The following SGMS1 variants were observed in gnomAD, a reference collection of about 807,000 sequenced individuals.
SGMS1 encodes the protein sphingomyelin synthase 1.
In SGMS1, 13 loss-of-function variants were observed where a neutral mutation model predicts 46.2. That is an observed-to-expected ratio of 0.28 (90% confidence interval 0.18 to 0.45). The LOEUF (loss-of-function observed/expected upper bound fraction) is 0.45, where lower values mean the gene tolerates loss of function less well. Ranked by LOEUF, SGMS1 falls within the 20% of genes least tolerant of loss-of-function variation. SGMS1 has a pLI of 1.00. For missense variants in SGMS1, 324 were observed against 519.9 expected, an observed-to-expected ratio of 0.62 and a Z score of 3.66; for synonymous variants, 203 against 187.8, an observed-to-expected ratio of 1.08 and a Z score of -0.66.
chr10:50,561,365 C>G (rs1838234891), intron 2 of SGMS1, among the ~76,000 whole-genome samples: 1 of 152,182 alleles, frequency 6.6e-6, no homozygotes, highest in Non-Finnish European at 1.5e-5. Flanking sequence ...TATCAACTGG[C>G]AGAGCATGAA....
At chr10:50,413,169 T>G (rs535411966) in intron 6 of SGMS1, among the ~76,000 whole-genome samples, 3 of 152,328 alleles carry the variant, frequency 2.0e-5, no homozygotes, top group African/African-American at 7.2e-5. Flanking sequence ...GTATATCTTG[T>G]TTATTCCTCT....
intron 1 of SGMS1, among the ~76,000 whole-genome samples, chr10:50,604,592 T>G (rs1444819497): frequency 8.5e-5 from 13 of 152,174 alleles, no homozygotes. Context: ...AATAAAAAAT[T>G]TATTCAAACA....
intron 2 of SGMS1, among the ~76,000 whole-genome samples, chr10:50,558,991 G>T (rs1838211317): frequency 6.6e-6 from 1 of 152,072 alleles, no homozygotes; most frequent in Non-Finnish European, 1.5e-5. Context: ...GACTGTGAGG[G>T]GTGGGGGTGC....
At chr10:50,498,956 C>T (rs147722770) in intron 3 of SGMS1, among the ~76,000 whole-genome samples, 1 of 152,250 alleles carries the variant, frequency 6.6e-6, no homozygotes, top group East Asian at 1.9e-4. Flanking sequence ...CCAATTTCTT[C>T]ATATCCTGGC....
At chr10:50,536,845 A>G (rs143331818) in intron 2 of SGMS1, among the ~76,000 whole-genome samples, 9 of 152,360 alleles carry the variant, frequency 5.9e-5, no homozygotes, top group South Asian at 4.1e-4. Flanking sequence ...GCAATAGTCT[A>G]TCATATAGGT....
At chr10:50,489,703 C>T (rs982444584) in intron 3 of SGMS1, among the ~76,000 whole-genome samples, 27 of 152,280 alleles carry the variant, frequency 1.8e-4, no homozygotes, top group African/African-American at 5.1e-4. Context: ...TGGCTGGGCA[C>T]GGTGGCTCAC....
chr10:50,478,858 C>T (rs1362127059), intron 3 of SGMS1, among the ~76,000 whole-genome samples: 1 of 152,078 alleles, frequency 6.6e-6, no homozygotes, highest in African/African-American at 2.4e-5. Context: ...CCTGTTGTAA[C>T]CACATAGTGT....
At chr10:50,542,846 A>G (rs550438979) in intron 2 of SGMS1, among the ~76,000 whole-genome samples, 1 of 149,022 alleles carries the variant, frequency 6.7e-6, no homozygotes, top group Non-Finnish European at 1.5e-5. Context: ...ATTGTAATGT[A>G]ATGCCAAGTG....
intron 2 of SGMS1, among the ~76,000 whole-genome samples, chr10:50,584,798 G>C (rs1383152809): frequency 4.6e-5 from 7 of 152,172 alleles, no homozygotes; most frequent in Admixed American, 3.9e-4. Flanking sequence ...ACTGCACATA[G>C]CTAAATAACT....
chr10:50,333,365 C>A (rs1403098671), intron 7 of SGMS1, among the ~76,000 whole-genome samples: 3 of 152,154 alleles, frequency 2.0e-5, no homozygotes, highest in Non-Finnish European at 4.4e-5. Flanking sequence ...GTTGCTTAAA[C>A]CCTTTTATGT....
At chr10:50,524,908 G>A (rs908804170) in intron 2 of SGMS1, among the ~76,000 whole-genome samples, 1 of 152,074 alleles carries the variant, frequency 6.6e-6, no homozygotes, top group African/African-American at 2.4e-5. Context: ...TCAGAAGAGG[G>A]TGCAAAAAGA....
intron 6 of SGMS1, among the ~76,000 whole-genome samples, chr10:50,347,695 A>G (rs1280434980): frequency 6.6e-6 from 1 of 152,162 alleles, no homozygotes; most frequent in Non-Finnish European, 1.5e-5. Flanking sequence ...CTTTTCACCT[A>G]GGTTCTTCAT....
intron 8 of SGMS1, among the ~76,000 whole-genome samples, chr10:50,323,179 G>A (rs948597844): frequency 6.6e-6 from 1 of 152,152 alleles, no homozygotes; most frequent in African/African-American, 2.4e-5. Flanking sequence ...TACTGCCATC[G>A]AGTGAATGAA....
intron 1 of SGMS1, among the ~76,000 whole-genome samples, chr10:50,615,181 G>A (rs753257070): frequency 5.9e-5 from 9 of 152,142 alleles, no homozygotes; most frequent in South Asian, 2.1e-4. Flanking sequence ...CAACCTGAGC[G>A]CCCACTGAAT....
chr10:50,382,615 C>CA (rs797022089), intron 6 of SGMS1, among the ~76,000 whole-genome samples: 2,349 of 136,194 alleles, frequency 0.017, 70 homozygotes, highest in African/African-American at 0.058. Flanking sequence ...CCATTCTGAC[C>CA]AAAAAAAAAA....
intron 6 of SGMS1, among the ~76,000 whole-genome samples, chr10:50,365,847 G>A (rs1848332812): frequency 6.6e-6 from 1 of 152,120 alleles, no homozygotes; most frequent in Non-Finnish European, 1.5e-5. Context: ...GGGCATTTGG[G>A]TTGGTTCCAT....
chr10:50,343,387 T>C, intron 7 of SGMS1, 105 bp downstream of exon 7: 5 of 1,273,294 alleles, frequency 3.9e-6, no homozygotes, highest in African/African-American at 1.5e-5. Context: ...AAAAATAGTA[T>C]GTTTTGATCC....
intron 1 of SGMS1, among the ~76,000 whole-genome samples, chr10:50,607,274 T>C (rs957842254): frequency 6.6e-6 from 1 of 152,026 alleles, no homozygotes; most frequent in African/African-American, 2.4e-5. Context: ...TGAGCCACTG[T>C]ACCTGGCCTA....
At chr10:50,333,256 T>C (rs1356760337) in intron 7 of SGMS1, among the ~76,000 whole-genome samples, 1 of 152,212 alleles carries the variant, frequency 6.6e-6, no homozygotes, top group Non-Finnish European at 1.5e-5. Context: ...GTACCTGTAA[T>C]ATGACTGGCA....
Sources: gnomAD v4.1 joint callset for allele counts (sites outside exome capture counted in the v4.1 genomes callset) on GRCh38, gnomAD v4.1.1 for gene constraint, MANE v1.5 for transcripts, NCBI Gene and HGNC (gene_info 2026-07-23, HGNC 2026-07-21) for gene names.